DLG2: variants seen among roughly 807,000 people sequenced by gnomAD.
The protein encoded by DLG2 is discs large MAGUK scaffold protein 2, also known as disks large homolog 2.
Under a neutral mutation model 132.5 loss-of-function variants are expected in DLG2, and 45 were observed. That is an observed-to-expected ratio of 0.34 (90% CI 0.27 to 0.44). DLG2 has a LOEUF of 0.44. Ranked by LOEUF, DLG2 falls within the 20% of genes least tolerant of loss-of-function variation. DLG2 has a pLI of 1.00. For synonymous variants in DLG2, 424 were observed against 419.6 expected, an observed-to-expected ratio of 1.01 and a Z score of -0.13; for missense variants, 1,045 against 1,196.9, an observed-to-expected ratio of 0.87 and a Z score of 1.87.
chr11:84,159,284 TA>T (rs1238402318), intron 9 of DLG2, among the ~76,000 whole-genome samples: 4 of 152,158 alleles, frequency 2.6e-5, no homozygotes, highest in Admixed American at 2.6e-4. Context: ...ATAAATAATA[TA>T]CATTTCAGAT....
At chr11:85,588,049 T>C (rs987950461) in intron 3 of DLG2, among the ~76,000 whole-genome samples, 2 of 152,206 alleles carry the variant, frequency 1.3e-5, no homozygotes, top group Non-Finnish European at 2.9e-5. Context: ...CTTATAGGGT[T>C]TCTGCTGAGA....
intron 20 of DLG2, among the ~76,000 whole-genome samples, chr11:83,540,951 G>C (rs969482524): frequency 6.6e-6 from 1 of 152,066 alleles, no homozygotes; most frequent in Non-Finnish European, 1.5e-5. Flanking sequence ...GGATCTGCTG[G>C]GACAGATTAA....
chr11:83,634,173 T>C (rs2064192050), intron 18 of DLG2, among the ~76,000 whole-genome samples: 2 of 152,144 alleles, frequency 1.3e-5, no homozygotes, highest in Admixed American at 1.3e-4. Context: ...TTTTGTCCTA[T>C]AGCTTTGCCC....
chr11:84,221,883 A>G (rs890691702), intron 8 of DLG2, among the ~76,000 whole-genome samples: 1 of 152,084 alleles, frequency 6.6e-6, no homozygotes, highest in South Asian at 2.1e-4. Context: ...ATATATACAC[A>G]ATTATATTTA....
intron 18 of DLG2, among the ~76,000 whole-genome samples, chr11:83,724,155 C>A (rs938985146): frequency 3.3e-5 from 5 of 152,114 alleles, no homozygotes; most frequent in African/African-American, 1.2e-4. Flanking sequence ...ACCACCAGAA[C>A]GTACTACCCA....
At chr11:84,921,288 C>G (rs960238292) in intron 6 of DLG2, among the ~76,000 whole-genome samples, 1 of 152,036 alleles carries the variant, frequency 6.6e-6, no homozygotes, top group Non-Finnish European at 1.5e-5. Flanking sequence ...AAGGTAGAAG[C>G]ATAATTCAAA....
intron 6 of DLG2, among the ~76,000 whole-genome samples, chr11:84,593,180 C>T (rs976176947): frequency 2.0e-5 from 3 of 151,406 alleles, no homozygotes; most frequent in Non-Finnish European, 4.4e-5. Context: ...AATAGGGACA[C>T]TTTTACACTG....
chr11:83,845,576 C>T (rs745805002), intron 16 of DLG2, among the ~76,000 whole-genome samples: 1 of 152,174 alleles, frequency 6.6e-6, no homozygotes, highest in Non-Finnish European at 1.5e-5. Flanking sequence ...AGAAATCTGT[C>T]ATCATAAGGG....
intron 11 of DLG2, among the ~76,000 whole-genome samples, chr11:83,989,060 G>A (rs908988937): frequency 6.6e-6 from 1 of 152,104 alleles, no homozygotes; most frequent in Admixed American, 6.6e-5. Context: ...ATGAACAAAT[G>A]AATATAAGAG....
intron 16 of DLG2, among the ~76,000 whole-genome samples, chr11:83,862,929 G>C (rs1402841539): frequency 6.6e-6 from 1 of 152,042 alleles, no homozygotes; most frequent in Non-Finnish European, 1.5e-5. Context: ...TACATGATAG[G>C]GTAGGACCTA....
chr11:84,276,635 G>A (rs901044863), intron 7 of DLG2, among the ~76,000 whole-genome samples: 3 of 152,110 alleles, frequency 2.0e-5, no homozygotes, highest in Non-Finnish European at 4.4e-5. Context: ...ATAAGTAATT[G>A]CTACCATTTT....
intron 20 of DLG2, among the ~76,000 whole-genome samples, chr11:83,533,785 C>T (rs1349044344): frequency 6.6e-6 from 1 of 152,120 alleles, no homozygotes; most frequent in Non-Finnish European, 1.5e-5. Flanking sequence ...GGGTATTCAT[C>T]CACATTAAGG....
intron 16 of DLG2, among the ~76,000 whole-genome samples, chr11:83,855,575 C>T: frequency 6.6e-6 from 1 of 152,112 alleles, no homozygotes; most frequent in Non-Finnish European, 1.5e-5. Context: ...TCTGAAAAGG[C>T]TACATACTGT....
chr11:84,578,658 G>T (rs1183248969), intron 6 of DLG2, among the ~76,000 whole-genome samples: 4 of 152,166 alleles, frequency 2.6e-5, no homozygotes, highest in Non-Finnish European at 5.9e-5. Flanking sequence ...TGACTTTACA[G>T]GCTCATAGGC....
rs534400969 is a variant in DLG2 at position 84,762,501 on chromosome 11, AG to A, written c.358-227771del. ...AGGATAGGAGCTTAGGTCAGGTCAG[AG>A]GGAGATAAAGGCAAGAAAACTATTC... On this transcript the variant is annotated intron_variant, in intron 6 of 27. Transcript: ENST00000376104. Among the ~76,000 whole-genome samples the A allele has an allele frequency of 3.5e-3, 530 of 152,310 alleles. 1 individual carries two copies. The highest frequency in any genetic ancestry group is 6.0e-3 in the Non-Finnish European group (408 of 68,020).
intron 6 of DLG2, among the ~76,000 whole-genome samples, chr11:84,573,298 T>A (rs763685166): frequency 3.3e-5 from 5 of 152,184 alleles, no homozygotes; most frequent in Non-Finnish European, 7.4e-5. Context: ...GCAAGTGATA[T>A]CAATTTTCCA....
intron 3 of DLG2, among the ~76,000 whole-genome samples, chr11:85,529,332 T>G (rs1408672395): frequency 1.3e-5 from 2 of 152,166 alleles, no homozygotes; most frequent in Non-Finnish European, 2.9e-5. Flanking sequence ...ACTACTGAGA[T>G]TTCAGAAATT....
At chr11:84,335,359 C>T (rs2098479483) in intron 7 of DLG2, among the ~76,000 whole-genome samples, 2 of 151,714 alleles carry the variant, frequency 1.3e-5, no homozygotes, top group Non-Finnish European at 2.9e-5. Context: ...CTGGTAACAA[C>T]ATTGTGCTGG....
At chr11:85,103,265 A>T (rs909233425) in intron 6 of DLG2, among the ~76,000 whole-genome samples, 2 of 151,960 alleles carry the variant, frequency 1.3e-5, no homozygotes, top group Non-Finnish European at 2.9e-5. Context: ...TAATCCTAAA[A>T]TGCATGCAAA....
Sources: allele counts gnomAD v4.1 joint callset (sites outside exome capture counted in the v4.1 genomes callset), GRCh38; gene constraint gnomAD v4.1.1; transcripts MANE v1.5; gene names NCBI Gene and HGNC (gene_info 2026-07-23, HGNC 2026-07-21).